USP32: variants seen among roughly 807,000 people sequenced by gnomAD.
USP32 encodes ubiquitin carboxyl-terminal hydrolase 32.
USP32 carries 59 observed loss-of-function variants against 204.8 expected under a neutral mutation model. That is an observed-to-expected ratio of 0.29 (90% confidence interval 0.23 to 0.36). The LOEUF (loss-of-function observed/expected upper bound fraction) is 0.36, where lower values mean the gene tolerates loss of function less well. USP32 is among the 10% of genes least tolerant of loss of function. The pLI is 1.00. For missense variants in USP32, 1,160 were observed against 1,946.4 expected (o/e 0.60, Z 7.60); for synonymous variants, 517 against 678.4 (o/e 0.76, Z 3.70).
intron 2 of USP32, among the ~76,000 whole-genome samples, chr17:60,306,097 GA>G (rs915749395): frequency 1.1e-4 from 16 of 151,544 alleles, no homozygotes; most frequent in East Asian, 5.8e-4. Flanking sequence ...AAAAAAAAAG[GA>G]AAAAAAAGAA....
intron 1 of USP32, among the ~76,000 whole-genome samples, chr17:60,397,370 T>C (rs2089907351): frequency 6.6e-6 from 1 of 152,172 alleles, no homozygotes; most frequent in Non-Finnish European, 1.5e-5. Flanking sequence ...CCAGTTGTTG[T>C]TGTTGTTTAA....
chr17:60,214,739 C>T lies in USP32; in HGVS notation c.1903G>A (p.Val635Ile), dbSNP rs1182817453. 4 of 1,613,904 alleles carry T rather than the reference C, an allele frequency of 2.5e-6. No individual in the cohort carries two copies. Among genetic ancestry groups the T allele is most frequent in the Non-Finnish European group, 3.4e-6 (4 of 1,179,856 alleles). ...CTAAAACAGCCTGTATAGGCTAATACCCGCTTTAAAGGTGCATTCGGAGAA... is the reference window on the plus strand; with the variant it reads ...CTAAAACAGCCTGTATAGGCTAATATCCGCTTTAAAGGTGCATTCGGAGAA... ...VPSPNAPLKR[V>I]LAYTGCFSRM... Residue 635 changes from valine to isoleucine, a missense_variant, in exon 17 of 34, where the codon GTA becomes ATA. Val to Ile is a conservative substitution (Grantham distance 29). Around this residue, in one of 8 missense-constraint regions of USP32, gnomAD observed 132 missense variants for 432.8 expected, o/e 0.30. Coordinates refer to ENST00000300896, the MANE Select transcript of USP32 (RefSeq NM_032582.4).
In USP32 at chr17:60,181,435, A is replaced by G. The variant is rs2084109012; in HGVS notation, c.4437T>C (p.Cys1479=). 2 of 1,613,974 alleles carry G rather than the reference A, an allele frequency of 1.2e-6. No individual in the cohort carries two copies. The highest frequency in any genetic ancestry group is 1.7e-6 in the Non-Finnish European group (2 of 1,179,864). ...GCTGACCATTGCTGTAGCCATTGCC[A>G]CATGCTTCATGCTCATAAAGGAATC... ...ANGFLYEHEA[C]GNGYSNGQLG... is the part of the protein sequence containing the mutation. Residue 1479 remains cysteine (C), a synonymous_variant, in exon 32 of 34, where the codon TGT becomes TGC. Coordinates refer to ENST00000300896, the MANE Select transcript of USP32 (RefSeq NM_032582.4).
intron 5 of USP32, among the ~76,000 whole-genome samples, chr17:60,285,408 G>T (rs1468522347): frequency 3.9e-5 from 6 of 152,302 alleles, no homozygotes. Context: ...ATGAAAATGG[G>T]AGAAAGTAGC....
intron 2 of USP32, among the ~76,000 whole-genome samples, chr17:60,320,748 C>T (rs1269045250): frequency 1.3e-5 from 2 of 152,044 alleles, no homozygotes; most frequent in Non-Finnish European, 2.9e-5. Flanking sequence ...GAAGAGTTTC[C>T]CTAATAAATA....
rs2084576089 is a variant in USP32, at chr17:60,198,285, C to T, written c.3409G>A (p.Glu1137Lys). 2 of 1,614,148 alleles carry T rather than the reference C, an allele frequency of 1.2e-6. No individual in the cohort carries two copies. The highest frequency in any genetic ancestry group is 1.7e-6 in the Non-Finnish European group (2 of 1,180,002). Residue 1137 changes from glutamate to lysine, a missense_variant, in exon 27 of 34, where the codon GAA becomes AAA. By Grantham distance (56) the Glu-to-Lys change is moderately conservative. Coordinates refer to ENST00000300896, the MANE Select transcript of USP32 (RefSeq NM_032582.4). ...SRLASPLPPQ[E>K]ASNHAQDCDD... Reference sequence around the variant, plus strand: ...CAATCCTGGGCATGATTACTAGCTTCCTGAGGTGGGAGTGGGCTCGCTAAC... The same window carrying T: ...CAATCCTGGGCATGATTACTAGCTTTCTGAGGTGGGAGTGGGCTCGCTAAC...
rs1451184050 is a variant in USP32, at chr17:60,211,074, C to G, written c.2363G>C (p.Gly788Ala). Residue 788 changes from glycine (G) to alanine (A), a missense_variant, in exon 21 of 34, where the codon GGT becomes GCT. By Grantham distance (60) the Gly-to-Ala change is moderately conservative. Transcript: ENST00000300896. ...ACTCCAAAGTTCCTGCACTAAATCA[C>G]CATAGCATTTAGCCATATGCCCCTT... is the stretch of plus-strand genomic sequence containing the variant. The part of the protein sequence containing the change: ...GMKGHMAKCY[G>A]DLVQELWSGT... 1 of 1,612,716 alleles carries G rather than the reference C, an allele frequency of 6.2e-7. No individual in the cohort carries two copies. Among genetic ancestry groups the G allele is most frequent in the African/African-American group, 1.3e-5 (1 of 75,056 alleles).
chr17:60,351,748 C>A (rs2088956265), intron 1 of USP32, among the ~76,000 whole-genome samples: 1 of 152,140 alleles, frequency 6.6e-6, no homozygotes, highest in African/African-American at 2.4e-5. Context: ...TATTAAATGT[C>A]TACTTATCTC....
At chr17:60,200,320 G>A (rs1385886665) in intron 26 of USP32, among the ~76,000 whole-genome samples, 1 of 152,188 alleles carries the variant, frequency 6.6e-6, no homozygotes, top group Non-Finnish European at 1.5e-5. Flanking sequence ...CCAGCACTTT[G>A]GGAGGCCAAG....
At chr17:60,422,054 C>T (rs1453445992) in intron 1 of USP32, 1 of 701,516 alleles carries the variant, frequency 1.4e-6, no homozygotes, top group Admixed American at 6.3e-5. Flanking sequence ...TTATTATTAA[C>T]AACTTCCTGG....
intron 9 of USP32, among the ~76,000 whole-genome samples, chr17:60,259,382 A>G (rs944865522): frequency 6.6e-6 from 1 of 152,128 alleles, no homozygotes; most frequent in African/African-American, 2.4e-5. Context: ...GCTGTGATGT[A>G]AAAAAACAAA....
chr17:60,302,311 C>T (rs905166868), intron 2 of USP32, among the ~76,000 whole-genome samples: 1 of 151,942 alleles, frequency 6.6e-6, no homozygotes, highest in Non-Finnish European at 1.5e-5. Flanking sequence ...CCATGCCAGG[C>T]TAACTTTGTA....
At chr17:60,212,815 G>A (rs1294419930) in intron 18 of USP32, among the ~76,000 whole-genome samples, 8 of 151,042 alleles carry the variant, frequency 5.3e-5, no homozygotes, top group Admixed American at 5.3e-4. Flanking sequence ...GTGCAGTGAT[G>A]TGATCTTGAG....
Position 60,248,296 on chromosome 17 carries a change from T to G in USP32, c.1136+4085A>C, listed in dbSNP as rs544354306. Among the ~76,000 whole-genome samples, 15 of 152,364 alleles carry G rather than the reference T, an allele frequency of 9.8e-5. 1 individual carries two copies. Among genetic ancestry groups the G allele is most frequent in the Admixed American group, 2.0e-4 (3 of 15,306 alleles). On this transcript the variant is annotated intron_variant, in intron 11 of 33. Coordinates refer to ENST00000300896, the MANE Select transcript of USP32 (RefSeq NM_032582.4). Reference sequence around the variant, plus strand: ...TCTTTCTGCTCTTGTGGCTTTCAACTTCTTCCTTTGTCTTTAGTTTTCAAC... The same window carrying G: ...TCTTTCTGCTCTTGTGGCTTTCAACGTCTTCCTTTGTCTTTAGTTTTCAAC...
intron 9 of USP32, chr17:60,257,891 TCTTA>T (rs1409485910): frequency 6.6e-6 from 1 of 152,264 alleles, no homozygotes; most frequent in African/African-American, 2.4e-5. Context: ...AGTTTCAGCT[TCTTA>T]CTAAGTTGCT....
intron 9 of USP32, among the ~76,000 whole-genome samples, chr17:60,264,943 T>C (rs2086553234): frequency 6.6e-6 from 1 of 151,358 alleles, no homozygotes; most frequent in African/African-American, 2.4e-5. Flanking sequence ...TCATCTCAGA[T>C]ATCCTTACGG....
upstream of USP32, chr17:60,392,317 C>CG: frequency 6.1e-6 from 2 of 327,738 alleles, no homozygotes; most frequent in South Asian, 6.0e-5. Context: ...GGGCCGCACG[C>CG]TCCGCCCCTC....
At chr17:60,412,291 G>A (rs1178960891) in intron 1 of USP32, among the ~76,000 whole-genome samples, 1 of 152,096 alleles carries the variant, frequency 6.6e-6, no homozygotes, top group African/African-American at 2.4e-5. Context: ...GATTGCTTGA[G>A]CCCAGGAGTT....
chr17:60,183,995 T>G (rs1344705214), intron 30 of USP32, among the ~76,000 whole-genome samples: 1 of 152,122 alleles, frequency 6.6e-6, no homozygotes. Context: ...TTTTAAAAGG[T>G]CTACCCGTCA....
Sources: allele counts gnomAD v4.1 joint callset (sites outside exome capture counted in the v4.1 genomes callset), GRCh38; gene constraint gnomAD v4.1.1; regional missense constraint gnomAD v4.1.1; transcripts MANE v1.5; gene names NCBI Gene and HGNC (gene_info 2026-07-23, HGNC 2026-07-21).